SMCO4: variants seen among roughly 807,000 people sequenced by gnomAD.
The protein encoded by SMCO4 is single-pass membrane and coiled-coil domain-containing protein 4.
A neutral mutation model predicts 3.6 loss-of-function variants in SMCO4; 4 were observed. That is an observed-to-expected ratio of 1.11 (90% CI 0.54 to 2.53). The LOEUF (loss-of-function observed/expected upper bound fraction) is 2.53. Ranked by LOEUF, SMCO4 falls within the 30% of genes most tolerant of loss-of-function variation. The pLI, the probability that SMCO4 is intolerant of heterozygous loss-of-function variation, is 0.02. For missense variants in SMCO4, 70 were observed against 80.8 expected, an observed-to-expected ratio of 0.87 and a Z score of 0.51; for synonymous variants, 36 against 35.3, an observed-to-expected ratio of 1.02 and a Z score of -0.07.
intron 1 of SMCO4, among the ~76,000 whole-genome samples, chr11:93,529,642 T>C (rs1591326205): frequency 6.6e-6 from 1 of 152,188 alleles, no homozygotes; most frequent in East Asian, 1.9e-4. Flanking sequence ...GCCCCTTCCT[T>C]TGGAGGCAAA....
chr11:93,551,918 C>G, the SMCO4 span, among the ~76,000 whole-genome samples: 1 of 152,128 alleles, frequency 6.6e-6, no homozygotes, highest in Non-Finnish European at 1.5e-5. Context: ...AGGAATCCAT[C>G]TGGTATCGCT....
At chr11:93,517,487 A>T (rs1256826115) in intron 1 of SMCO4, among the ~76,000 whole-genome samples, 2 of 152,188 alleles carry the variant, frequency 1.3e-5, no homozygotes. Context: ...AAATTTAGAG[A>T]ACAAGATTTT....
rs78320896 is a variant in SMCO4, at chr11:93,504,422, T to A, written c.-153-5074A>T. 5.0e-3 allele frequency among the ~76,000 whole-genome samples: 763 copies of A among 152,338 alleles called. 32 individuals carry two copies. The East Asian group carries it at 0.072, about 14-fold the overall frequency. On this transcript the variant is annotated intron_variant, in intron 1 of 2. Coordinates refer to ENST00000298966, the MANE Select transcript of SMCO4 (RefSeq NM_020179.3). The stretch of plus-strand genomic sequence containing the variant: ...AAAGGTAAATATTTTCCTGCTTATC[T>A]ACCCATACAAGAGAAGGAATGAGAG...
intron 1 of SMCO4, among the ~76,000 whole-genome samples, chr11:93,534,189 TCAAA>T (rs1565389813): frequency 9.5e-6 from 1 of 105,270 alleles, no homozygotes; most frequent in African/African-American, 3.7e-5. Flanking sequence ...AGACTCCGTC[TCAAA>T]AAAAAAAAAA....
At chr11:93,545,608 A>AG (rs1351994341), upstream of SMCO4, among the ~76,000 whole-genome samples, 41 of 144,772 alleles carry the variant, frequency 2.8e-4, no homozygotes, top group African/African-American at 9.1e-4. Context: ...AAAAAAAAAA[A>AG]AGAGAGAGAG....
chr11:93,492,889 T>C (rs895742950), intron 2 of SMCO4, among the ~76,000 whole-genome samples: 2 of 152,136 alleles, frequency 1.3e-5, no homozygotes, highest in Non-Finnish European at 2.9e-5. Flanking sequence ...CTGACAAAAT[T>C]CATATATTTT....
chr11:93,504,630 C>T (rs370826687), intron 1 of SMCO4, among the ~76,000 whole-genome samples: 1 of 152,214 alleles, frequency 6.6e-6, no homozygotes, highest in Non-Finnish European at 1.5e-5. Flanking sequence ...GCTATTCTGT[C>T]GCAAAACCCT....
intron 2 of SMCO4, among the ~76,000 whole-genome samples, chr11:93,488,412 A>C (rs976146582): frequency 7.2e-5 from 11 of 152,226 alleles, no homozygotes; most frequent in African/African-American, 2.7e-4. Flanking sequence ...TAAGGCAAGG[A>C]AATCAGTGAA....
rs141176322 is a variant in SMCO4 at position 93,492,733 on chromosome 11, C to T, written c.-81+6543G>A. ...AAGGTTTTAAGGGGTAGCAAGGGGC[C>T]AGGGCGACCAGAGCAGAACGAGTTG... On this transcript the variant is annotated intron_variant, in intron 2 of 2. Transcript: ENST00000298966. Among the ~76,000 whole-genome samples, 36 of 152,248 alleles carry T rather than the reference C, an allele frequency of 2.4e-4. 1 individual carries two copies. The highest frequency in any genetic ancestry group is 6.3e-4 in the African/African-American group (26 of 41,526).
chr11:93,547,660 A>C (rs1182917900), upstream of SMCO4, among the ~76,000 whole-genome samples: 1 of 152,242 alleles, frequency 6.6e-6, no homozygotes, highest in Non-Finnish European at 1.5e-5. Flanking sequence ...ATATGTATTA[A>C]ATCAATCAAT....
At chr11:93,516,938 T>C (rs965973871) in intron 1 of SMCO4, among the ~76,000 whole-genome samples, 2 of 152,178 alleles carry the variant, frequency 1.3e-5, no homozygotes, top group African/African-American at 4.8e-5. Flanking sequence ...TAGCCTTCCC[T>C]GCCTCATAGC....
At chr11:93,492,949 T>C (rs949385112) in intron 2 of SMCO4, among the ~76,000 whole-genome samples, 4 of 152,198 alleles carry the variant, frequency 2.6e-5, no homozygotes, top group African/African-American at 9.6e-5. Flanking sequence ...TACATAGCGG[T>C]GTGTCAATGT....
At chr11:93,549,855 A>T in the SMCO4 span, among the ~76,000 whole-genome samples, 1 of 152,172 alleles carries the variant, frequency 6.6e-6, no homozygotes, top group Non-Finnish European at 1.5e-5. Context: ...CATTTATGTA[A>T]GTATCAAGTG....
At chr11:93,536,467 CAAATT>C (rs1370963969) in intron 1 of SMCO4, among the ~76,000 whole-genome samples, 6 of 152,036 alleles carry the variant, frequency 3.9e-5, no homozygotes, top group East Asian at 1.9e-4. Flanking sequence ...AAATAAAAGA[CAAATT>C]AAAAGAACAG....
At chr11:93,513,451 G>A (rs774697642) in intron 1 of SMCO4, among the ~76,000 whole-genome samples, 1 of 152,198 alleles carries the variant, frequency 6.6e-6, no homozygotes, top group Non-Finnish European at 1.5e-5. Flanking sequence ...TTCAGAATGA[G>A]GTAACATAGG....
intron 1 of SMCO4, among the ~76,000 whole-genome samples, chr11:93,531,908 C>A (rs1949166556): frequency 6.6e-6 from 1 of 152,178 alleles, no homozygotes; most frequent in African/African-American, 2.4e-5. Flanking sequence ...AAGAATGCAA[C>A]CATTTGTCTC....
chr11:93,550,277 GC>G, the SMCO4 span, among the ~76,000 whole-genome samples: 77 of 152,242 alleles, frequency 5.1e-4, no homozygotes, highest in Non-Finnish European at 8.7e-4. Flanking sequence ...CTGTCTTCAT[GC>G]TCTTCTAACT....
intron 1 of SMCO4, among the ~76,000 whole-genome samples, chr11:93,523,972 A>G (rs1949083333): frequency 6.6e-6 from 1 of 152,222 alleles, no homozygotes; most frequent in Admixed American, 6.5e-5. Flanking sequence ...TTTAAGCTTC[A>G]TCCTCTCCTT....
chr11:93,484,124 C>A (rs531346297), intron 2 of SMCO4, among the ~76,000 whole-genome samples: 5 of 152,318 alleles, frequency 3.3e-5, no homozygotes, highest in Non-Finnish European at 5.9e-5. Flanking sequence ...TCCTACCCCC[C>A]ACCAGCACAC....
Sources: gnomAD v4.1 joint callset for allele counts (sites outside exome capture counted in the v4.1 genomes callset) on GRCh38, gnomAD v4.1.1 for gene constraint, MANE v1.5 for transcripts, NCBI Gene and HGNC (gene_info 2026-07-23, HGNC 2026-07-21) for gene names.